EPHA6: variants seen among roughly 807,000 people sequenced by gnomAD.
EPHA6 encodes ephrin type-A receptor 6.
In EPHA6, 50 loss-of-function variants were observed where a neutral mutation model predicts 112.0. The observed-to-expected ratio is 0.45, with a 90% confidence interval of 0.36 to 0.56. The LOEUF is 0.56. Ranked by LOEUF, EPHA6 falls within the 20% of genes least tolerant of loss-of-function variation. The pLI, the probability that EPHA6 is intolerant of heterozygous loss-of-function variation, is 0.00. For missense variants in EPHA6, 1,280 were observed against 1,417.4 expected (o/e 0.90, Z 1.56); for synonymous variants, 529 against 490.7 (o/e 1.08, Z -1.03).
At chr3:97,598,310 A>T (rs994538447) in intron 12 of EPHA6, among the ~76,000 whole-genome samples, 2 of 151,140 alleles carry the variant, frequency 1.3e-5, no homozygotes, top group Non-Finnish European at 2.9e-5. Flanking sequence ...ACATGTGCAC[A>T]TTGTGCAGGT....
chr3:96,988,117 T>C (rs1352865007), intron 3 of EPHA6, 124 bp downstream of exon 3: 1 of 656,546 alleles, frequency 1.5e-6, no homozygotes, highest in Non-Finnish European at 2.5e-6. Flanking sequence ...TTGATACATA[T>C]AATGTATACT....
At chr3:97,555,598 G>T (rs1251608865) in intron 11 of EPHA6, among the ~76,000 whole-genome samples, 1 of 152,102 alleles carries the variant, frequency 6.6e-6, no homozygotes, top group Non-Finnish European at 1.5e-5. Flanking sequence ...GTTGTTTCCT[G>T]ACTTTTTAAT....
At chr3:97,138,299 G>A (rs1314458179) in intron 3 of EPHA6, among the ~76,000 whole-genome samples, 1 of 152,140 alleles carries the variant, frequency 6.6e-6, no homozygotes, top group Non-Finnish European at 1.5e-5. Context: ...ACAGTTCTGG[G>A]AGCCCATCCC....
At chr3:97,065,142 G>C (rs770006198) in intron 3 of EPHA6, among the ~76,000 whole-genome samples, 1 of 152,006 alleles carries the variant, frequency 6.6e-6, no homozygotes, top group African/African-American at 2.4e-5. Context: ...ATTTAGAATC[G>C]TTTAAAAGAT....
chr3:97,548,129 A>G (rs2092981858), intron 11 of EPHA6, among the ~76,000 whole-genome samples: 1 of 152,156 alleles, frequency 6.6e-6, no homozygotes, highest in Admixed American at 6.5e-5. Flanking sequence ...TCAGTTGGAA[A>G]TGCAAAATCA....
At chr3:97,032,785 A>G (rs2108023286) in intron 3 of EPHA6, among the ~76,000 whole-genome samples, 1 of 152,118 alleles carries the variant, frequency 6.6e-6, no homozygotes, top group South Asian at 2.1e-4. Context: ...ATTCAACCCC[A>G]GACCTTACCT....
At chr3:97,174,948 G>GTAT (rs1237793976) in intron 3 of EPHA6, among the ~76,000 whole-genome samples, 1 of 151,832 alleles carries the variant, frequency 6.6e-6, no homozygotes, top group Non-Finnish European at 1.5e-5. Context: ...TACGTGTGGG[G>GTAT]TATTGCTCAA....
At chr3:96,831,168 A>G (rs989617073) in intron 1 of EPHA6, among the ~76,000 whole-genome samples, 4 of 152,124 alleles carry the variant, frequency 2.6e-5, no homozygotes, top group African/African-American at 9.6e-5. Flanking sequence ...TTATTTATGT[A>G]TATTATTTTT....
At chr3:97,537,285 G>C (rs2092777628) in intron 11 of EPHA6, among the ~76,000 whole-genome samples, 1 of 152,076 alleles carries the variant, frequency 6.6e-6, no homozygotes, top group South Asian at 2.1e-4. Flanking sequence ...TCAGCTCCTA[G>C]TTAAGGTAGG....
intron 1 of EPHA6, among the ~76,000 whole-genome samples, chr3:96,844,333 T>C (rs1196234324): frequency 6.6e-6 from 1 of 152,016 alleles, no homozygotes; most frequent in Non-Finnish European, 1.5e-5. Context: ...CTGTGTACTA[T>C]TAGTTAAACT....
chr3:97,063,680 G>A (rs2046094736), intron 3 of EPHA6, among the ~76,000 whole-genome samples: 1 of 151,934 alleles, frequency 6.6e-6, no homozygotes, highest in Non-Finnish European at 1.5e-5. Context: ...TTCACGTTCT[G>A]TACATATACT....
At chr3:97,001,193 T>G (rs2043650901) in intron 3 of EPHA6, among the ~76,000 whole-genome samples, 1 of 151,784 alleles carries the variant, frequency 6.6e-6, no homozygotes, top group South Asian at 2.1e-4. Context: ...ATTATTTTCA[T>G]ATAGAAACTA....
At chr3:97,431,518 A>C (rs967556583) in intron 6 of EPHA6, among the ~76,000 whole-genome samples, 5 of 152,148 alleles carry the variant, frequency 3.3e-5, no homozygotes, top group African/African-American at 1.2e-4. Flanking sequence ...TAAAAAAGGC[A>C]ATCAATGCAA....
At position 97,749,715 on chromosome 3, in the gene EPHA6, A is replaced by G. The variant is rs1278874908; in HGVS notation, c.*1014A>G. Among the ~76,000 whole-genome samples, 1 of 152,214 alleles carries G rather than the reference A, an allele frequency of 6.6e-6. No homozygotes were observed. The highest frequency in any genetic ancestry group is 1.5e-5 in the Non-Finnish European group (1 of 68,032). On this transcript the variant is annotated 3_prime_UTR_variant, in exon 18 of 18. Transcript: ENST00000389672. ...ATGTAAAATTATTAATTTAATTTAA[A>G]CAGAACTTTATGATAGATACATGGT...
chr3:96,947,372 G>T (rs2107708617), intron 2 of EPHA6, among the ~76,000 whole-genome samples: 1 of 152,196 alleles, frequency 6.6e-6, no homozygotes, highest in South Asian at 2.1e-4. Context: ...GCATAAGGAA[G>T]GGATCCAGTT....
chr3:97,022,017 C>T (rs1332792319), intron 3 of EPHA6, among the ~76,000 whole-genome samples: 2 of 152,264 alleles, frequency 1.3e-5, no homozygotes, highest in East Asian at 1.9e-4. Context: ...ACTAAAATTA[C>T]TATATACAAC....
chr3:97,128,346 T>C (rs1049646422), intron 3 of EPHA6, among the ~76,000 whole-genome samples: 1 of 152,224 alleles, frequency 6.6e-6, no homozygotes, highest in African/African-American at 2.4e-5. Flanking sequence ...ACATTGTGAC[T>C]TCTTTTCCTT....
chr3:97,076,494 G>C (rs1309405253), intron 3 of EPHA6, among the ~76,000 whole-genome samples: 1 of 152,168 alleles, frequency 6.6e-6, no homozygotes, highest in Non-Finnish European at 1.5e-5. Context: ...AAGGATGAAA[G>C]TCATGTTCAT....
intron 1 of EPHA6, among the ~76,000 whole-genome samples, chr3:96,836,508 C>A (rs1051456775): frequency 2.6e-5 from 4 of 152,110 alleles, no homozygotes; most frequent in Non-Finnish European, 5.9e-5. Context: ...AAGTGTTCAA[C>A]AATTGTATTC....
Sources: gnomAD v4.1 joint callset for allele counts (sites outside exome capture counted in the v4.1 genomes callset) on GRCh38, gnomAD v4.1.1 for gene constraint, MANE v1.5 for transcripts, NCBI Gene and HGNC (gene_info 2026-07-23, HGNC 2026-07-21) for gene names.